Variants in MCUB observed in about 807,000 individuals in gnomAD.
MCUB encodes mitochondrial calcium uniporter dominant negative subunit beta.
A neutral mutation model predicts 41.4 loss-of-function variants in MCUB; 46 were observed. The ratio of observed to expected loss-of-function variants is 1.11; its 90% CI spans 0.88 to 1.42. The LOEUF is 1.42. Among genes scored for constraint, MCUB ranks in the 40% most tolerant of loss-of-function variants. The probability of loss-of-function intolerance (pLI) is 0.00; values close to 1 mark genes in which losing one functional copy is unlikely to be tolerated. For synonymous variants in MCUB, 148 were observed against 148.2 expected, an observed-to-expected ratio of 1.00 and a Z score of 0.01; for missense variants, 403 against 404.9, an observed-to-expected ratio of 1.00 and a Z score of 0.04.
At chr4:109,581,485 G>A (rs1444548000) in intron 1 of MCUB, among the ~76,000 whole-genome samples, 1 of 152,184 alleles carries the variant, frequency 6.6e-6, no homozygotes, top group Non-Finnish European at 1.5e-5. Flanking sequence ...AGGACTTCAT[G>A]TCTAAAACAC....
intron 1 of MCUB, among the ~76,000 whole-genome samples, chr4:109,565,363 T>C (rs73838813): frequency 0.011 from 1,732 of 152,346 alleles, 32 homozygotes; most frequent in African/African-American, 0.039. Flanking sequence ...GAAACCCAAC[T>C]ATTCTAATAT....
chr4:109,654,662 C>T (rs1013877135), intron 1 of MCUB, among the ~76,000 whole-genome samples: 1 of 152,028 alleles, frequency 6.6e-6, no homozygotes, highest in Non-Finnish European at 1.5e-5. Flanking sequence ...TACTGGAAGG[C>T]TTAGCTTGAT....
At chr4:109,671,037 T>C (rs1729444752) in intron 4 of MCUB, among the ~76,000 whole-genome samples, 1 of 152,238 alleles carries the variant, frequency 6.6e-6, no homozygotes. Context: ...TGTCATTGTC[T>C]GTATTTATCT....
intron 1 of MCUB, among the ~76,000 whole-genome samples, chr4:109,577,845 C>T (rs1727069540): frequency 7.9e-6 from 1 of 126,508 alleles, no homozygotes. Context: ...CTCCTGACCT[C>T]GTGATCCGCC....
intron 1 of MCUB, among the ~76,000 whole-genome samples, chr4:109,658,617 G>C (rs932869075): frequency 6.6e-6 from 1 of 151,994 alleles, no homozygotes; most frequent in Non-Finnish European, 1.5e-5. Context: ...TTTTTAATTA[G>C]CCCCAAGATG....
At chr4:109,582,495 G>T (rs917455115) in intron 1 of MCUB, among the ~76,000 whole-genome samples, 5 of 150,092 alleles carry the variant, frequency 3.3e-5, no homozygotes, top group African/African-American at 1.2e-4. Flanking sequence ...CTGCACGTGG[G>T]GCACATGTAC....
At chr4:109,579,342 T>C (rs1453627065) in intron 1 of MCUB, among the ~76,000 whole-genome samples, 2 of 151,970 alleles carry the variant, frequency 1.3e-5, no homozygotes, top group African/African-American at 4.8e-5. Context: ...CTCCTGCTCC[T>C]GGGTTCAAGC....
chr4:109,641,699 A>G (rs921010593), intron 1 of MCUB, among the ~76,000 whole-genome samples: 1 of 152,206 alleles, frequency 6.6e-6, no homozygotes, highest in African/African-American at 2.4e-5. Flanking sequence ...CAATAAAATG[A>G]AGTATGCCTG....
intron 1 of MCUB, among the ~76,000 whole-genome samples, chr4:109,577,598 C>CTTTTTTTTTTTTTTT (rs71594195): frequency 4.1e-5 from 2 of 48,664 alleles, no homozygotes; most frequent in African/African-American, 1.6e-4. Flanking sequence ...TACTTGAATT[C>CTTTTTTTTTTTTTTT]TTTTTTTTTT....
At chr4:109,568,599 C>G (rs966321458) in intron 1 of MCUB, among the ~76,000 whole-genome samples, 1 of 152,200 alleles carries the variant, frequency 6.6e-6, no homozygotes, top group African/African-American at 2.4e-5. Context: ...CCCATCTCCC[C>G]ACAGACCCCT....
At chr4:109,573,512 G>T (rs968462750) in intron 1 of MCUB, among the ~76,000 whole-genome samples, 2 of 151,990 alleles carry the variant, frequency 1.3e-5, no homozygotes, top group South Asian at 2.1e-4. Flanking sequence ...GCTAGGAAAA[G>T]GTTGTTTCTC....
At chr4:109,570,079 A>G (rs1276242399) in intron 1 of MCUB, among the ~76,000 whole-genome samples, 8 of 152,190 alleles carry the variant, frequency 5.3e-5, no homozygotes, top group Non-Finnish European at 1.2e-4. Flanking sequence ...CATCTTTGAC[A>G]TCACTACTTC....
chr4:109,636,605 C>T (rs894633634), intron 1 of MCUB, among the ~76,000 whole-genome samples: 1 of 152,134 alleles, frequency 6.6e-6, no homozygotes, highest in Non-Finnish European at 1.5e-5. Flanking sequence ...GAGGCCGAGG[C>T]GGGCAGATCA....
chr4:109,605,090 T>A (rs781091160), intron 1 of MCUB, among the ~76,000 whole-genome samples: 1 of 152,204 alleles, frequency 6.6e-6, no homozygotes, highest in South Asian at 2.1e-4. Context: ...TCGAGTAGGA[T>A]TGATATTAGT....
rs146066583 is a variant in MCUB at position 109,564,219 on chromosome 4, G to A, written c.99+3783G>A. Among the ~76,000 whole-genome samples the A allele has an allele frequency of 9.5e-3, 1,429 of 151,118 alleles. 28 individuals are homozygous for A. Among genetic ancestry groups the A allele is most frequent in the African/African-American group, 0.032 (1,327 of 41,130 alleles). ...GCAATCTCAGTTCACTGCAACCTCC[G>A]CCTCCCGGGTTCAAACGATTCCCCT... is the stretch of plus-strand genomic sequence containing the variant. On this transcript the variant is annotated intron_variant, in intron 1 of 7. Coordinates refer to ENST00000394650, the MANE Select transcript of MCUB (RefSeq NM_017918.5).
intron 1 of MCUB, among the ~76,000 whole-genome samples, chr4:109,620,902 T>C (rs563747723): frequency 1.1e-3 from 170 of 150,818 alleles, no homozygotes; most frequent in African/African-American, 3.9e-3. Flanking sequence ...TCTTCTTCTT[T>C]TTTTTTTTTC....
intron 1 of MCUB, among the ~76,000 whole-genome samples, chr4:109,577,598 C>CTTTTTTTTTTTTTT (rs71594195): frequency 8.2e-5 from 4 of 48,666 alleles, no homozygotes; most frequent in African/African-American, 3.1e-4. Context: ...TACTTGAATT[C>CTTTTTTTTTTTTTT]TTTTTTTTTT....
At chr4:109,579,931 C>A (rs11943264) in intron 1 of MCUB, among the ~76,000 whole-genome samples, 14 of 151,886 alleles carry the variant, frequency 9.2e-5, no homozygotes, top group Non-Finnish European at 1.9e-4. Context: ...ATGTGCACAA[C>A]GTGCAGTTTG....
chr4:109,566,916 G>T (rs1726791655), intron 1 of MCUB, among the ~76,000 whole-genome samples: 1 of 152,120 alleles, frequency 6.6e-6, no homozygotes, highest in South Asian at 2.1e-4. Flanking sequence ...TTTAAGACCA[G>T]CCTGACCAAT....
Sources: allele counts gnomAD v4.1 joint callset (sites outside exome capture counted in the v4.1 genomes callset), GRCh38; gene constraint gnomAD v4.1.1; transcripts MANE v1.5; gene names NCBI Gene and HGNC (gene_info 2026-07-23, HGNC 2026-07-21).